GNAQ: variants seen among roughly 807,000 people sequenced by gnomAD.
GNAQ encodes G protein subunit alpha q, also known as guanine nucleotide-binding protein G(q) subunit alpha.
A neutral mutation model predicts 43.9 loss-of-function variants in GNAQ; 8 were observed. The ratio of observed to expected loss-of-function variants is 0.18; its 90% CI spans 0.11 to 0.33. GNAQ has a LOEUF of 0.33. Among genes scored for constraint, GNAQ ranks in the 10% least tolerant of loss-of-function variants. The pLI is 1.00. For synonymous variants in GNAQ, 155 were observed against 170.7 expected, an observed-to-expected ratio of 0.91 and a Z score of 0.71; for missense variants, 158 against 450.8, an observed-to-expected ratio of 0.35 and a Z score of 5.88.
At chr9:77,836,281 T>C (rs1827383335) in intron 2 of GNAQ, among the ~76,000 whole-genome samples, 1 of 151,874 alleles carries the variant, frequency 6.6e-6, no homozygotes, top group African/African-American at 2.4e-5. Flanking sequence ...GAAAACCCAA[T>C]ATCCTTTCAG....
chr9:77,875,708 A>C (rs544749583), intron 2 of GNAQ, among the ~76,000 whole-genome samples: 97 of 152,332 alleles, frequency 6.4e-4, no homozygotes, highest in African/African-American at 2.1e-3. Context: ...TTTATACTTC[A>C]ATCATGCACC....
chr9:77,867,500 CATT>C (rs1827967009), intron 2 of GNAQ, among the ~76,000 whole-genome samples: 1 of 152,142 alleles, frequency 6.6e-6, no homozygotes, highest in Non-Finnish European at 1.5e-5. Flanking sequence ...CTTAATAAAA[CATT>C]ATTAAGTGAT....
intron 1 of GNAQ, among the ~76,000 whole-genome samples, chr9:77,960,527 T>C (rs187813430): frequency 1.1e-4 from 17 of 152,192 alleles, no homozygotes; most frequent in Middle Eastern, 3.4e-3. Flanking sequence ...AAGGAGGTGG[T>C]TGGTGGCTGT....
In GNAQ at chr9:78,031,348, C is replaced by G. The variant is rs1021213467; in HGVS notation, c.-113G>C. 7.4e-6 allele frequency: 6 copies of G among 812,716 alleles called. No individual in the cohort carries two copies. The African/African-American group carries it at 1.1e-4, about 15-fold the overall frequency. 50.3% of individuals were successfully genotyped at this position (812,716 alleles called of 1,614,324 possible). ...AGCGGTGGCCGCCGAGCCCCCGCCGCCCGGGCGCGCGTCCGGGACGAGCTC... is the reference window on the plus strand; with the variant it reads ...AGCGGTGGCCGCCGAGCCCCCGCCGGCCGGGCGCGCGTCCGGGACGAGCTC... On this transcript the variant is annotated 5_prime_UTR_variant, in exon 1 of 7. Transcript: ENST00000286548.
intron 5 of GNAQ, among the ~76,000 whole-genome samples, chr9:77,788,070 C>A (rs1029565305): frequency 6.6e-6 from 1 of 152,022 alleles, no homozygotes; most frequent in African/African-American, 2.4e-5. Context: ...CACCCAAAAC[C>A]CTTCTGCAAA....
chr9:77,860,545 C>T (rs374316313), intron 2 of GNAQ, among the ~76,000 whole-genome samples: 5 of 152,148 alleles, frequency 3.3e-5, no homozygotes, highest in East Asian at 1.9e-4. Flanking sequence ...TCATAAGGAG[C>T]GTGCAACCTA....
At position 77,718,482 on chromosome 9, in the gene GNAQ, AG is replaced by A. The variant is rs1293076121; in HGVS notation, c.*2840del. The A allele has an allele frequency of 8.6e-6, 2 of 232,456 alleles. No individual in the cohort carries two copies. The highest frequency in any genetic ancestry group is 1.7e-5 in the Non-Finnish European group (2 of 117,628). The allele number at this position is 232,456 out of a possible 1,614,324, so 14.4% of individuals were successfully genotyped here. A position where few individuals can be genotyped will look rare whatever the true frequency, so the allele number is the denominator to read the frequency against. ...GAAGGGATCTTGTCATGCACCCTAC[AG>A]GAACAGCGAAGCCACAAACCTCAAT... On this transcript the variant is annotated 3_prime_UTR_variant, in exon 7 of 7. Coordinates refer to ENST00000286548, the MANE Select transcript of GNAQ (RefSeq NM_002072.5).
Position 77,717,308 on chromosome 9 carries a change from T to C in GNAQ, c.*4015A>G. Reference sequence around the variant, plus strand: ...AGTGGTTTTAAACCCTTATTTAATTTGAAGAAGAGCAGCAATATACATTAC... The same window carrying C: ...AGTGGTTTTAAACCCTTATTTAATTCGAAGAAGAGCAGCAATATACATTAC... On this transcript the variant is annotated 3_prime_UTR_variant, in exon 7 of 7. Transcript: ENST00000286548. The C allele has an allele frequency of 4.3e-6, 1 of 232,526 alleles. No individual in the cohort carries two copies. Among genetic ancestry groups the C allele is most frequent in the Non-Finnish European group, 8.5e-6 (1 of 117,638 alleles). The allele number at this position is 232,526 out of a possible 1,614,324, so 14.4% of individuals were successfully genotyped here. A position where few individuals can be genotyped will look rare whatever the true frequency, so the allele number is the denominator to read the frequency against.
intron 2 of GNAQ, among the ~76,000 whole-genome samples, chr9:77,907,683 G>A (rs1163504552): frequency 2.0e-5 from 3 of 152,196 alleles, no homozygotes; most frequent in African/African-American, 7.2e-5. Context: ...TGGTATCAGA[G>A]TTAAAAGTTT....
intron 1 of GNAQ, among the ~76,000 whole-genome samples, chr9:77,985,220 G>C (rs1823420448): frequency 6.6e-6 from 1 of 152,174 alleles, no homozygotes; most frequent in African/African-American, 2.4e-5. Flanking sequence ...GGCTGAGGCA[G>C]AAGAATGGCA....
At chr9:77,775,649 C>A (rs1310314616) in intron 5 of GNAQ, among the ~76,000 whole-genome samples, 4 of 152,014 alleles carry the variant, frequency 2.6e-5, no homozygotes, top group Non-Finnish European at 5.9e-5. Flanking sequence ...CAGCCTGCCT[C>A]GGCCTCCCAA....
chr9:77,821,244 A>T (rs28405778), intron 2 of GNAQ, among the ~76,000 whole-genome samples: 1 of 152,144 alleles, frequency 6.6e-6, no homozygotes, highest in Non-Finnish European at 1.5e-5. Context: ...TGTCTTTCCC[A>T]AAAAACATTT....
chr9:77,969,867 A>G (rs934929491), intron 1 of GNAQ, among the ~76,000 whole-genome samples: 1 of 152,244 alleles, frequency 6.6e-6, no homozygotes, highest in Non-Finnish European at 1.5e-5. Context: ...CACAGAGACC[A>G]GTACCCATTT....
At chr9:78,010,915 T>G (rs958577876) in intron 1 of GNAQ, among the ~76,000 whole-genome samples, 9 of 152,178 alleles carry the variant, frequency 5.9e-5, no homozygotes, top group African/African-American at 2.2e-4. Context: ...TCCTACCTAT[T>G]CTAGCCATGA....
rs375964474 is a variant in GNAQ at position 77,718,514 on chromosome 9, A to G, written c.*2809T>C. On this transcript the variant is annotated 3_prime_UTR_variant, in exon 7 of 7. Transcript: ENST00000286548. ...GCGAAGCCACAAACCTCAATTCTGC[A>G]TAGCAAATTCCATCCCAATTTCATA... 4.3e-6 allele frequency: 1 copy of G among 232,652 alleles called. No individual in the cohort carries two copies. The highest frequency in any genetic ancestry group is 8.5e-6 in the Non-Finnish European group (1 of 117,686). The allele number at this position is 232,652 out of a possible 1,614,324, so 14.4% of individuals were successfully genotyped here. A position where few individuals can be genotyped will look rare whatever the true frequency, so the allele number is the denominator to read the frequency against.
chr9:77,982,148 C>G (rs1169603983), intron 1 of GNAQ, among the ~76,000 whole-genome samples: 3 of 152,204 alleles, frequency 2.0e-5, no homozygotes, highest in Non-Finnish European at 2.9e-5. Context: ...GTAAGCATTT[C>G]ATACCCACTC....
chr9:77,766,526 G>A (rs1826139149), intron 5 of GNAQ, among the ~76,000 whole-genome samples: 1 of 152,116 alleles, frequency 6.6e-6, no homozygotes, highest in South Asian at 2.1e-4. Flanking sequence ...GAGACTTCTG[G>A]GTGTCTCTGA....
intron 2 of GNAQ, among the ~76,000 whole-genome samples, chr9:77,847,201 G>C (rs898287814): frequency 6.6e-6 from 1 of 152,216 alleles, no homozygotes; most frequent in African/African-American, 2.4e-5. Context: ...GCTCAGCCTT[G>C]CAAGGCAGTG....
At chr9:77,854,772 A>C (rs890584296) in intron 2 of GNAQ, among the ~76,000 whole-genome samples, 5 of 152,220 alleles carry the variant, frequency 3.3e-5, no homozygotes, top group Admixed American at 6.5e-5. Context: ...AAGGACAGAC[A>C]GTATAATTTA....
Sources: allele counts gnomAD v4.1 joint callset (sites outside exome capture counted in the v4.1 genomes callset), GRCh38; gene constraint gnomAD v4.1.1; transcripts MANE v1.5; gene names NCBI Gene and HGNC (gene_info 2026-07-23, HGNC 2026-07-21).